The following DLG2 variants were observed in gnomAD, a reference collection of about 807,000 sequenced individuals.
DLG2 encodes disks large homolog 2.
DLG2 carries 45 observed loss-of-function variants against 132.5 expected under a neutral mutation model. The observed-to-expected ratio is 0.34, with a 90% CI of 0.27 to 0.44. The LOEUF is 0.44. Among genes scored for constraint, DLG2 ranks in the 20% least tolerant of loss-of-function variants. The pLI, the probability that DLG2 is intolerant of heterozygous loss-of-function variation, is 1.00. For synonymous variants in DLG2, 424 were observed against 419.6 expected, an observed-to-expected ratio of 1.01 and a Z score of -0.13; for missense variants, 1,045 against 1,196.9, an observed-to-expected ratio of 0.87 and a Z score of 1.87.
intron 10 of DLG2, among the ~76,000 whole-genome samples, chr11:84,096,733 C>T (rs1025472232): frequency 5.9e-5 from 9 of 152,276 alleles, no homozygotes; most frequent in Admixed American, 2.0e-4. Flanking sequence ...AGAATCCCCA[C>T]GATGACTCAT....
chr11:83,602,707 C>T (rs1451237840), intron 19 of DLG2, among the ~76,000 whole-genome samples: 2 of 152,108 alleles, frequency 1.3e-5, no homozygotes, highest in African/African-American at 4.8e-5. Context: ...AATTTGGATA[C>T]ATTCTTACCT....
At chr11:84,522,157 G>T (rs901077985) in intron 7 of DLG2, among the ~76,000 whole-genome samples, 19 of 149,222 alleles carry the variant, frequency 1.3e-4, no homozygotes, top group African/African-American at 3.5e-4. Context: ...GACAGAGCGA[G>T]ACTCTGTCTC....
chr11:85,552,032 C>T (rs2076694256), intron 3 of DLG2, among the ~76,000 whole-genome samples: 1 of 142,572 alleles, frequency 7.0e-6, no homozygotes, highest in South Asian at 2.2e-4. Flanking sequence ...GAGGCAGGAT[C>T]TGAAAATAAA....
intron 14 of DLG2, among the ~76,000 whole-genome samples, chr11:83,960,592 G>A (rs898717174): frequency 6.6e-6 from 1 of 151,368 alleles, no homozygotes; most frequent in Non-Finnish European, 1.5e-5. Context: ...AGGGGGTTCT[G>A]CATAAATTAG....
intron 6 of DLG2, among the ~76,000 whole-genome samples, chr11:85,060,313 T>C (rs574603898): frequency 6.6e-6 from 1 of 150,694 alleles, no homozygotes; most frequent in East Asian, 2.0e-4. Context: ...ATGTATATAA[T>C]ATATAACATA....
At chr11:85,411,652 T>A (rs1023619237) in intron 3 of DLG2, among the ~76,000 whole-genome samples, 1 of 151,868 alleles carries the variant, frequency 6.6e-6, no homozygotes, top group African/African-American at 2.4e-5. Context: ...ACGAAATGGA[T>A]AATTATTCTG....
At chr11:83,948,891 A>G (rs1198437502) in intron 14 of DLG2, among the ~76,000 whole-genome samples, 1 of 152,202 alleles carries the variant, frequency 6.6e-6, no homozygotes, top group African/African-American at 2.4e-5. Context: ...TATGCTAGAC[A>G]AATACTTATC....
chr11:85,498,110 C>A (rs1046458282), intron 3 of DLG2, among the ~76,000 whole-genome samples: 1 of 152,028 alleles, frequency 6.6e-6, no homozygotes, highest in Non-Finnish European at 1.5e-5. Flanking sequence ...GGGCTAAATG[C>A]CCCAATTAAA....
At chr11:83,532,271 G>GTGTATTCAT (rs1326512084) in intron 21 of DLG2, among the ~76,000 whole-genome samples, 2 of 151,978 alleles carry the variant, frequency 1.3e-5, no homozygotes. Context: ...ACAACAATCC[G>GTGTATTCAT]TGTATTCATT....
intron 11 of DLG2, among the ~76,000 whole-genome samples, chr11:84,017,994 C>T (rs1442015661): frequency 6.6e-6 from 1 of 151,836 alleles, no homozygotes; most frequent in Non-Finnish European, 1.5e-5. Context: ...CATTGGTTTT[C>T]TGCAGTGTCT....
intron 3 of DLG2, among the ~76,000 whole-genome samples, chr11:85,458,374 G>C (rs374686381): frequency 2.0e-5 from 3 of 151,952 alleles, no homozygotes; most frequent in Admixed American, 6.6e-5. Context: ...ACTGGACTTT[G>C]ACATTGTTTT....
At chr11:85,606,907 C>T (rs569915361) in intron 2 of DLG2, among the ~76,000 whole-genome samples, 1 of 152,272 alleles carries the variant, frequency 6.6e-6, no homozygotes, top group East Asian at 1.9e-4. Context: ...CTGGACACAT[C>T]CAAACATCAG....
At chr11:85,007,684 A>G (rs1415767794) in intron 6 of DLG2, among the ~76,000 whole-genome samples, 4 of 141,280 alleles carry the variant, frequency 2.8e-5, no homozygotes, top group African/African-American at 2.7e-5. Context: ...AAAAAAAAAA[A>G]AAAAAAGAAA....
intron 18 of DLG2, among the ~76,000 whole-genome samples, chr11:83,678,826 C>T (rs1019759700): frequency 4.6e-5 from 7 of 152,008 alleles, no homozygotes; most frequent in African/African-American, 7.2e-5. Flanking sequence ...GGTAGATTTA[C>T]GAACTTTTTA....
rs1166004570 is a variant in DLG2 at position 85,280,718 on chromosome 11, A to G, written c.186+4502T>C. Among the ~76,000 whole-genome samples, 4 of 152,042 alleles carry G rather than the reference A, an allele frequency of 2.6e-5. No homozygotes were observed. In the East Asian group the frequency reaches 7.7e-4, roughly 29 times the overall value. On this transcript the variant is annotated intron_variant, in intron 4 of 27. Transcript: ENST00000376104. ...AATTGGGAGCTAAAAATCAGTTATT[A>G]TAGTGTTGGCAGACAGGAGAAGGGT...
intron 6 of DLG2, among the ~76,000 whole-genome samples, chr11:85,076,398 GT>G (rs1463525619): frequency 6.6e-6 from 1 of 152,032 alleles, no homozygotes; most frequent in Non-Finnish European, 1.5e-5. Context: ...CAATTTTCAA[GT>G]TTCATTCAGG....
chr11:83,630,805 C>G (rs1477050179), intron 19 of DLG2, among the ~76,000 whole-genome samples: 1 of 152,142 alleles, frequency 6.6e-6, no homozygotes, highest in Non-Finnish European at 1.5e-5. Flanking sequence ...TCTCAGTTTC[C>G]TCTTCTGTAA....
chr11:85,259,862 ATTGT>A (rs1275423137), intron 4 of DLG2, among the ~76,000 whole-genome samples: 1 of 152,066 alleles, frequency 6.6e-6, no homozygotes, highest in Non-Finnish European at 1.5e-5. Flanking sequence ...TGATGTAGAA[ATTGT>A]TTGGTATTCA....
At chr11:83,916,707 C>G (rs1343083559) in intron 15 of DLG2, among the ~76,000 whole-genome samples, 2 of 152,130 alleles carry the variant, frequency 1.3e-5, no homozygotes, top group Non-Finnish European at 1.5e-5. Context: ...TTTCCCCATC[C>G]CAATCATACT....
Sources: allele counts gnomAD v4.1 joint callset (sites outside exome capture counted in the v4.1 genomes callset), GRCh38; gene constraint gnomAD v4.1.1; transcripts MANE v1.5; gene names NCBI Gene and HGNC (gene_info 2026-07-23, HGNC 2026-07-21).